The following NSF variants were observed in gnomAD, a reference collection of about 807,000 sequenced individuals.
NSF encodes N-ethylmaleimide sensitive factor, vesicle fusing ATPase, also known as vesicle-fusing ATPase.
In NSF, 14 loss-of-function variants were observed where a neutral mutation model predicts 50.3. The ratio of observed to expected loss-of-function variants is 0.28; its 90% confidence interval spans 0.18 to 0.44. NSF has a LOEUF of 0.44. Among genes scored for constraint, NSF ranks in the 20% least tolerant of loss-of-function variants. NSF has a pLI of 1.00. For synonymous variants in NSF, 109 were observed against 175.7 expected (o/e 0.62, Z 3.00); for missense variants, 218 against 504.3 (o/e 0.43, Z 5.44).
At chr17:46,739,867 T>C in intron 17 of NSF, among the ~76,000 whole-genome samples, 1 of 151,858 alleles carries the variant, frequency 6.6e-6, no homozygotes, top group East Asian at 1.9e-4. Flanking sequence ...CCCAGATAAT[T>C]TTTTGTATTT....
intron 17 of NSF, among the ~76,000 whole-genome samples, chr17:46,733,213 T>A (rs549394771): frequency 6.6e-6 from 1 of 152,272 alleles, no homozygotes; most frequent in South Asian, 2.1e-4. Flanking sequence ...AATGTGCTTT[T>A]CAAGATCAGG....
At chr17:46,749,682 A>G in intron 17 of NSF, 91 bp from the exon 18 acceptor site, 1 of 1,226,346 alleles carries the variant, frequency 8.2e-7, no homozygotes, top group East Asian at 2.5e-5. Context: ...AAGATTAAAT[A>G]AAAGTCTTTT....
intron 10 of NSF, among the ~76,000 whole-genome samples, chr17:46,693,470 T>G (rs1315018787): frequency 5.9e-5 from 9 of 151,756 alleles, no homozygotes; most frequent in African/African-American, 2.2e-4. Context: ...ACTTCCTCTT[T>G]TAGCTGTTTT....
rs946609421 is a variant in NSF at position 46,719,524 on chromosome 17, C to A, written c.1761+5538C>A. On this transcript the variant is annotated intron_variant, in intron 15 of 20. Coordinates refer to ENST00000398238, the MANE Select transcript of NSF (RefSeq NM_006178.4). The surrounding 1 kb of genome is among the most constrained non-coding windows in gnomAD (Gnocchi z 4.3). ...ATCCTTTCTCCATGGATAAACTCCTCAAAACTGCTGAAGTATGTATGAGGT... is the reference window on the plus strand; with the variant it reads ...ATCCTTTCTCCATGGATAAACTCCTAAAAACTGCTGAAGTATGTATGAGGT... Among the ~76,000 whole-genome samples the A allele has an allele frequency of 5.9e-5, 9 of 152,182 alleles. No individual in the cohort carries two copies. Among genetic ancestry groups the A allele is most frequent in the African/African-American group, 2.2e-4 (9 of 41,452 alleles).
intron 17 of NSF, among the ~76,000 whole-genome samples, chr17:46,740,828 A>C (rs2059064071): frequency 6.6e-6 from 1 of 151,944 alleles, no homozygotes; most frequent in Admixed American, 6.6e-5. Context: ...CGTCCAGCTA[A>C]TTTTTGTATT....
At chr17:46,735,022 C>T (rs1180542253) in intron 17 of NSF, among the ~76,000 whole-genome samples, 4 of 152,122 alleles carry the variant, frequency 2.6e-5, no homozygotes, top group African/African-American at 9.7e-5. Flanking sequence ...CGCACTCTAG[C>T]CTGAGTGATA....
Position 46,713,847 on chromosome 17 carries a change from A to G in NSF, c.1628-6A>G. 2 of 1,609,086 alleles carry G rather than the reference A, an allele frequency of 1.2e-6. No individual in the cohort carries two copies. Among genetic ancestry groups the G allele is most frequent in the South Asian group, 1.1e-5 (1 of 89,686 alleles). Reference sequence around the variant, plus strand: ...TTTCCCCTGACTTGCTCATATCTTTATGCAGGCCCTCCTCACAGTGGGAAG... The same window carrying G: ...TTTCCCCTGACTTGCTCATATCTTTGTGCAGGCCCTCCTCACAGTGGGAAG... On this transcript the variant is annotated splice_polypyrimidine_tract_variant and splice_region_variant and intron_variant, in intron 14 of 20. Transcript: ENST00000398238.
chr17:46,727,016 C>A (rs2058895941), intron 16 of NSF, among the ~76,000 whole-genome samples: 1 of 152,136 alleles, frequency 6.6e-6, no homozygotes, highest in African/African-American at 2.4e-5. Flanking sequence ...TCTGCAAATT[C>A]ACTAAAACAC....
rs369452486 is a variant in NSF, at chr17:46,610,099, TTCTCTCTCTC to T, written c.13-14127_13-14118del. On this transcript the variant is annotated intron_variant, in intron 1 of 20. Transcript: ENST00000398238. Reference sequence around the variant, plus strand: ...TTCCTTCTTTCTTTCTTTTCTCTCTTTCTCTCTCTCTCTCTCTCTCTCTCTCTTCCTTTCT... The same window carrying T: ...TTCCTTCTTTCTTTCTTTTCTCTCTTTCTCTCTCTCTCTCTCTTCCTTTCT... 1.3e-3 allele frequency among the ~76,000 whole-genome samples: 120 copies of T among 89,494 alleles called. 4 individuals carry two copies. Among genetic ancestry groups the T allele is most frequent in the African/African-American group, 5.1e-3 (116 of 22,916 alleles). The allele number at this position is 89,494 out of a possible 152,430, so 58.7% of individuals were successfully genotyped here. A position where few individuals can be genotyped will look rare whatever the true frequency, so the allele number is the denominator to read the frequency against.
rs575094928 is a variant in NSF at position 46,755,868 on chromosome 17, G to A, written c.*45G>A. On this transcript the variant is annotated 3_prime_UTR_variant, in exon 21 of 21. Transcript: ENST00000398238. The stretch of plus-strand genomic sequence containing the variant: ...CACAGTGACCAAGGGAAGTGACCAA[G>A]GTGAAGATGGCCTAGGATCTTCACT... 1.0e-5 allele frequency: 16 copies of A among 1,590,968 alleles called. 1 individual carries two copies. The South Asian group carries it at 1.8e-4, about 18-fold the overall frequency.
intron 15 of NSF, chr17:46,722,133 T>C (rs1035474669): frequency 7.1e-5 from 115 of 1,611,916 alleles, no homozygotes; most frequent in East Asian, 1.6e-4. Flanking sequence ...CTTCTCGCCA[T>C]TGGGCTTCAC....
chr17:46,728,827 C>T (rs1598721918), intron 16 of NSF, 28 bp from the exon 17 acceptor site: 1 of 1,501,270 alleles, frequency 6.7e-7, no homozygotes, highest in Admixed American at 1.8e-5. Context: ...GTATCAAATC[C>T]CTAAACATAA....
chr17:46,690,661 G>T (rs2058539630), intron 9 of NSF, among the ~76,000 whole-genome samples: 1 of 119,234 alleles, frequency 8.4e-6, no homozygotes, highest in Non-Finnish European at 1.7e-5. Context: ...GATGGGAAAG[G>T]GTTTAAAATA....
chr17:46,755,378 A>G lies in NSF; in HGVS notation c.2213+9A>G, dbSNP rs777624524. ...TTAAGAGAAGAAGGAGCGTAAGTACATACAACATTTAATGACCATCAACCA... is the reference window on the plus strand; with the variant it reads ...TTAAGAGAAGAAGGAGCGTAAGTACGTACAACATTTAATGACCATCAACCA... On this transcript the variant is annotated intron_variant, in intron 20 of 20. Transcript: ENST00000398238. 2.5e-6 allele frequency: 4 copies of G among 1,610,192 alleles called. No homozygotes were observed. The highest frequency in any genetic ancestry group is 1.3e-5 in the African/African-American group (1 of 74,868).
intron 16 of NSF, among the ~76,000 whole-genome samples, chr17:46,726,922 T>G (rs905053740): frequency 1.5e-4 from 23 of 152,156 alleles, no homozygotes; most frequent in Admixed American, 9.8e-4. Flanking sequence ...TGAGTATATC[T>G]GTTATTTAGG....
chr17:46,750,758 A>C (rs937532851), intron 18 of NSF, among the ~76,000 whole-genome samples: 2 of 152,164 alleles, frequency 1.3e-5, no homozygotes, highest in African/African-American at 4.8e-5. Context: ...TAATCACTGT[A>C]TAGAAAAATT....
At chr17:46,743,300 T>A (rs1288007786) in intron 17 of NSF, among the ~76,000 whole-genome samples, 1 of 152,156 alleles carries the variant, frequency 6.6e-6, no homozygotes, top group African/African-American at 2.4e-5. Flanking sequence ...CCGTATGGAT[T>A]CCTGACACCA....
At chr17:46,709,764 G>A (rs34565941) in intron 13 of NSF, among the ~76,000 whole-genome samples, 23,314 of 152,056 alleles carry the variant, frequency 0.15, 3,519 homozygotes, top group East Asian at 0.6. Context: ...CAAAGTGCTG[G>A]GATTATAGGC....
At chr17:46,716,819 C>T (rs1046009879) in intron 15 of NSF, among the ~76,000 whole-genome samples, 3 of 152,188 alleles carry the variant, frequency 2.0e-5, no homozygotes, top group Non-Finnish European at 4.4e-5. Flanking sequence ...CATATACCCC[C>T]TCCCTTATAT....
Sources: gnomAD v4.1 joint callset for allele counts (sites outside exome capture counted in the v4.1 genomes callset) on GRCh38, gnomAD v4.1.1 for gene constraint, Gnocchi (gnomAD v3.1) non-coding constraint, MANE v1.5 for transcripts, NCBI Gene and HGNC (gene_info 2026-07-23, HGNC 2026-07-21) for gene names.